Variants in WDR17 observed in about 807,000 individuals in gnomAD.
The protein encoded by WDR17 is WD repeat-containing protein 17.
In WDR17, 143 loss-of-function variants were observed where a neutral mutation model predicts 161.7. The observed-to-expected ratio is 0.88, with a 90% CI of 0.77 to 1.02. WDR17 has a LOEUF of 1.02. WDR17 is among the 50% of genes least tolerant of loss of function. The pLI is 0.00. For synonymous variants in WDR17, 517 were observed against 515.6 expected (o/e 1.00, Z -0.04); for missense variants, 1,469 against 1,520.9 (o/e 0.97, Z 0.57).
intron 1 of WDR17, among the ~76,000 whole-genome samples, chr4:176,077,635 C>A (rs1734223139): frequency 6.6e-6 from 1 of 151,784 alleles, no homozygotes; most frequent in Admixed American, 6.6e-5. Context: ...CAGTTGTAGG[C>A]AACAGAAAAT....
At chr4:176,166,042 T>C in intron 22 of WDR17, 1 of 751,506 alleles carries the variant, frequency 1.3e-6, no homozygotes, top group South Asian at 1.9e-5. Context: ...AACAGCGCTT[T>C]TTTTACATTT....
chr4:176,139,818 TAGA>T lies in WDR17; in HGVS notation c.1360-68_1360-66del, dbSNP rs1440605268. 9.8e-6 allele frequency: 12 copies of T among 1,230,544 alleles called. No homozygotes were observed. The East Asian group carries it at 1.7e-4, about 17-fold the overall frequency. The allele number at this position is 1,230,544 out of a possible 1,614,324, so 76.2% of individuals were successfully genotyped here. Reference sequence around the variant, plus strand: ...ACATTCCTAACAGAAAAGTAATACTTAGAAGAAGTAAATATATAAGAGAAAAAA... The same window carrying T: ...ACATTCCTAACAGAAAAGTAATACTTAGAAGTAAATATATAAGAGAAAAAA... On this transcript the variant is annotated intron_variant, in intron 9 of 28. Coordinates refer to ENST00000508596, the MANE Select transcript of WDR17 (RefSeq NM_181265.4).
rs1478068853 is a variant in WDR17 at position 176,115,841 on chromosome 4, G to C, written c.169G>C (p.Glu57Gln). 1 of 1,610,580 alleles carries C rather than the reference G, an allele frequency of 6.2e-7. No individual in the cohort carries two copies. Residue 57 changes from glutamate (E) to glutamine (Q), a missense_variant, in exon 3 of 29, where the codon GAA becomes CAA. Physicochemically the swap from Glu to Gln is conservative, Grantham distance 29. Coordinates refer to ENST00000508596, the MANE Select transcript of WDR17 (RefSeq NM_181265.4). ...NEFKLHAIMS[E>Q]HKKTITAISW... is the part of the protein sequence containing the mutation. The stretch of plus-strand genomic sequence containing the variant: ...ATTCAAACTTCACGCAATTATGTCT[G>C]AACATAAAAAAACAATCACAGCAAT...
chr4:176,096,491 A>G (rs750735807), intron 1 of WDR17: 1 of 1,584,610 alleles, frequency 6.3e-7, no homozygotes, highest in Admixed American at 1.8e-5. Context: ...CCGAGTTTCC[A>G]ATTGCCTTGA....
At chr4:176,179,258 G>T (rs1379612725) in intron 28 of WDR17, among the ~76,000 whole-genome samples, 1 of 152,100 alleles carries the variant, frequency 6.6e-6, no homozygotes, top group Non-Finnish European at 1.5e-5. Context: ...AGGGTATAAT[G>T]ACATAATGTT....
Position 176,120,006 on chromosome 4 carries a change from G to C in WDR17, c.447G>C (p.Leu149Phe). 6.2e-7 allele frequency: 1 copy of C among 1,614,038 alleles called. No individual in the cohort carries two copies. Among genetic ancestry groups the C allele is most frequent in the South Asian group, 1.1e-5 (1 of 91,076 alleles). ...TACACAAAGATGCTCATAGCTTCTT[G>C]TCTGATATCTGTATGTTCAGATGGC... ...VIVHKDAHSF[L>F]SDICMFRWHT... Residue 149 changes from leucine to phenylalanine, a missense_variant, in exon 4 of 29, where the codon TTG becomes TTC. Physicochemically the swap from Leu to Phe is conservative, Grantham distance 22. Transcript: ENST00000508596.
At chr4:176,163,549 A>G (rs915853447) in intron 22 of WDR17, among the ~76,000 whole-genome samples, 1 of 152,200 alleles carries the variant, frequency 6.6e-6, no homozygotes, top group Non-Finnish European at 1.5e-5. Context: ...CACTTAAAGT[A>G]TCATGAGACA....
chr4:176,137,441 T>C, intron 8 of WDR17, 79 bp from the exon 9 acceptor site: 1 of 1,197,566 alleles, frequency 8.4e-7, no homozygotes. Flanking sequence ...AGTTCTTACA[T>C]TTTCACAAGT....
At chr4:176,167,714 T>C (rs1315385244) in intron 22 of WDR17, among the ~76,000 whole-genome samples, 1 of 151,162 alleles carries the variant, frequency 6.6e-6, no homozygotes, top group Non-Finnish European at 1.5e-5. Context: ...TTCTCAGTTA[T>C]GATGTATGCA....
At chr4:176,176,322 G>A (rs906328381) in intron 26 of WDR17, among the ~76,000 whole-genome samples, 9 of 152,104 alleles carry the variant, frequency 5.9e-5, no homozygotes, top group Non-Finnish European at 1.0e-4. Flanking sequence ...AGAATGTATC[G>A]TCTCTGACAG....
chr4:176,130,305 T>G (rs1743145578), intron 6 of WDR17, among the ~76,000 whole-genome samples: 1 of 151,912 alleles, frequency 6.6e-6, no homozygotes, highest in African/African-American at 2.4e-5. Flanking sequence ...TCAACGAAAT[T>G]TAGTGAACCA....
intron 5 of WDR17, among the ~76,000 whole-genome samples, chr4:176,126,761 A>T (rs1212954027): frequency 6.6e-6 from 1 of 152,198 alleles, no homozygotes; most frequent in Non-Finnish European, 1.5e-5. Context: ...GGCCGGACCC[A>T]GCTGGAGCTA....
rs1219401869 is a variant in WDR17 at position 176,076,214 on chromosome 4, AATATATATATATATATATATATATAT to A, written c.-7+10151_-7+10176del. Among the ~76,000 whole-genome samples, 534 of 62,274 alleles carry A rather than the reference AATATATATATATATATATATATATAT, an allele frequency of 8.6e-3. 5 individuals carry two copies. Among genetic ancestry groups the A allele is most frequent in the African/African-American group, 0.025 (500 of 20,288 alleles). 40.9% of individuals were successfully genotyped at this position (62,274 alleles called of 152,430 possible). A position where few individuals can be genotyped will look rare whatever the true frequency, so the allele number is the denominator to read the frequency against. On this transcript the variant is annotated intron_variant, in intron 1 of 28. Transcript: ENST00000508596. ...TAGTTAACTGTATGTTTACATATATAATATATATATATATATATATATATATATATATATATATATACACACACACA... is the reference window on the plus strand; with the variant it reads ...TAGTTAACTGTATGTTTACATATATAATATATATATATATACACACACACA...
intron 17 of WDR17, among the ~76,000 whole-genome samples, chr4:176,152,323 G>A (rs958140697): frequency 1.1e-4 from 13 of 114,752 alleles, no homozygotes; most frequent in African/African-American, 2.2e-4. Context: ...AAGCCTGAGC[G>A]TGGTGGCTCA....
In WDR17 at chr4:176,177,651, C is replaced by G; in HGVS notation, c.3729C>G (p.Ile1243Met). 3.2e-6 allele frequency: 5 copies of G among 1,579,594 alleles called. No homozygotes were observed. Among genetic ancestry groups the G allele is most frequent in the Non-Finnish European group, 4.3e-6 (5 of 1,170,086 alleles). ...IHISCLTGLK[I>M]QGPVFFLEDG... ...TTTCTTGTCTTACGGGATTAAAAAT[C>G]CAGGTAAAGCCTAACATCAGACATA... The change falls in exon 28 of 29, where the codon ATC becomes ATG. Residue 1243 changes from isoleucine to methionine, a missense_variant. Physicochemically the swap from Ile to Met is conservative, Grantham distance 10. Coordinates refer to ENST00000508596, the MANE Select transcript of WDR17 (RefSeq NM_181265.4).
At chr4:176,083,812 A>G (rs1234433635) in intron 1 of WDR17, among the ~76,000 whole-genome samples, 4 of 152,116 alleles carry the variant, frequency 2.6e-5, no homozygotes. Flanking sequence ...TATGAGTTTC[A>G]GTTACTCTGC....
chr4:176,164,541 A>G (rs73005155), intron 22 of WDR17, among the ~76,000 whole-genome samples: 2,412 of 152,314 alleles, frequency 0.016, 74 homozygotes, highest in African/African-American at 0.055. Context: ...TCCCTTAGAT[A>G]TCTTATTATG....
At chr4:176,069,561 A>C (rs1445077818) in intron 1 of WDR17, among the ~76,000 whole-genome samples, 1 of 152,162 alleles carries the variant, frequency 6.6e-6, no homozygotes, top group Non-Finnish European at 1.5e-5. Flanking sequence ...TGTACATTCA[A>C]ATGTTCTGAG....
intron 17 of WDR17, among the ~76,000 whole-genome samples, chr4:176,154,405 C>T (rs1441137291): frequency 6.6e-6 from 1 of 152,008 alleles, no homozygotes; most frequent in Non-Finnish European, 1.5e-5. Context: ...CACTTGAATC[C>T]GGCAGGCGGA....
Sources: gnomAD v4.1 joint callset for allele counts (sites outside exome capture counted in the v4.1 genomes callset) on GRCh38, gnomAD v4.1.1 for gene constraint, MANE v1.5 for transcripts, NCBI Gene and HGNC (gene_info 2026-07-23, HGNC 2026-07-21) for gene names.